Variants in PAM observed in about 807,000 individuals in gnomAD.
PAM encodes peptidyl-glycine alpha-amidating monooxygenase.
A neutral mutation model predicts 122.1 loss-of-function variants in PAM; 72 were observed. That is an observed-to-expected ratio of 0.59 (90% CI 0.49 to 0.72). PAM has a LOEUF of 0.72. Among genes scored for constraint, PAM ranks in the 30% least tolerant of loss-of-function variants. The probability of loss-of-function intolerance (pLI) is 0.00; values close to 1 mark genes in which losing one functional copy is unlikely to be tolerated. For synonymous variants in PAM, 389 were observed against 404.4 expected (o/e 0.96, Z 0.46); for missense variants, 1,106 against 1,183.7 (o/e 0.93, Z 0.96).
chr5:102,949,655 T>G (rs779416071), intron 10 of PAM, 38 bp downstream of exon 10: 6 of 987,742 alleles, frequency 6.1e-6, no homozygotes, highest in Non-Finnish European at 9.7e-6. Flanking sequence ...ATATTTACCA[T>G]TGTGCTTCCT....
intron 7 of PAM, among the ~76,000 whole-genome samples, chr5:102,932,516 A>G (rs1489308399): frequency 4.0e-5 from 6 of 149,846 alleles, no homozygotes; most frequent in East Asian, 1.9e-4. Context: ...GTATATATAT[A>G]TGTATATATT....
intron 12 of PAM, among the ~76,000 whole-genome samples, chr5:102,958,586 C>G (rs1348809381): frequency 6.6e-6 from 1 of 152,074 alleles, no homozygotes; most frequent in African/African-American, 2.4e-5. Flanking sequence ...TCACTATTTG[C>G]TTATATTTCA....
chr5:102,886,509 T>C (rs1341481837), intron 3 of PAM, among the ~76,000 whole-genome samples: 1 of 152,030 alleles, frequency 6.6e-6, no homozygotes, highest in Non-Finnish European at 1.5e-5. Flanking sequence ...CATTGTTCTT[T>C]ACATTCATTT....
chr5:102,779,918 T>TATATATATATATACATACACAC (rs147065045), intron 1 of PAM, among the ~76,000 whole-genome samples: 1 of 95,704 alleles, frequency 1.0e-5, no homozygotes, highest in South Asian at 3.7e-4. Flanking sequence ...TATATATATA[T>TATATATATATATACATACACAC]ACACACATAT....
chr5:102,882,636 T>C (rs768047728), intron 3 of PAM, among the ~76,000 whole-genome samples: 27 of 152,134 alleles, frequency 1.8e-4, no homozygotes, highest in Admixed American at 9.2e-4. Context: ...GTCAAATGTA[T>C]AGATTGTGAA....
intron 14 of PAM, among the ~76,000 whole-genome samples, chr5:102,968,061 G>A (rs1377638109): frequency 1.3e-5 from 2 of 152,198 alleles, no homozygotes; most frequent in Middle Eastern, 3.4e-3. Context: ...TGTGCAAATC[G>A]CTGTGGTATG....
chr5:102,866,515 T>G lies in PAM; in HGVS notation c.89+231T>G, dbSNP rs574181495. ...AATTAGAAGTTGTGATTTCCAAAAC[T>G]AATCACTCCCTCTGGGGGAGGTATT... On this transcript the variant is annotated intron_variant, in intron 2 of 25. Coordinates refer to ENST00000438793, the MANE Select transcript of PAM (RefSeq NM_001177306.2). 7.3e-6 allele frequency: 4 copies of G among 545,716 alleles called. No homozygotes were observed. The East Asian group carries it at 9.5e-5, about 13-fold the overall frequency. The allele number at this position is 545,716 out of a possible 1,614,324, so 33.8% of individuals were successfully genotyped here.
At chr5:102,926,695 C>A (rs369682633) in intron 7 of PAM, 27 bp downstream of exon 7, 5 of 1,131,138 alleles carry the variant, frequency 4.4e-6, no homozygotes, top group Non-Finnish European at 1.3e-6. Flanking sequence ...TGGAACTAAG[C>A]AAAACTTCTA....
At chr5:102,829,032 A>G (rs1774578232) in intron 1 of PAM, among the ~76,000 whole-genome samples, 1 of 151,194 alleles carries the variant, frequency 6.6e-6, no homozygotes, top group Non-Finnish European at 1.5e-5. Flanking sequence ...GACTGCAATC[A>G]TAGGGTTATT....
At chr5:102,916,298 C>T (rs1038154666) in intron 5 of PAM, among the ~76,000 whole-genome samples, 1 of 152,088 alleles carries the variant, frequency 6.6e-6, no homozygotes, top group African/African-American at 2.4e-5. Context: ...CTGCTTGACT[C>T]ACCTCAAGCA....
At position 102,950,787 on chromosome 5, in the gene PAM, C is replaced by G. The variant is rs765588739; in HGVS notation, c.872C>G (p.Thr291Ser). Residue 291 changes from threonine to serine, a missense_variant, in exon 12 of 26, where the codon ACT becomes AGT. This residue lies in a region of PAM where 670 missense variants were observed against 690.3 expected (regional missense o/e 0.97). Coordinates refer to ENST00000438793, the MANE Select transcript of PAM (RefSeq NM_001177306.2). ...CTACTGGCTGCAAGATGTGTATTCA[C>G]TGGTGAAGGAAGGACAGAAGCCACA... ...GDLLAARCVF[T>S]GEGRTEATHI... 1.9e-6 allele frequency: 3 copies of G among 1,610,164 alleles called. No homozygotes were observed. Among genetic ancestry groups the G allele is most frequent in the African/African-American group, 2.7e-5 (2 of 74,790 alleles).
intron 14 of PAM, among the ~76,000 whole-genome samples, chr5:102,972,232 C>A (rs1382282837): frequency 1.3e-5 from 2 of 152,112 alleles, no homozygotes; most frequent in Non-Finnish European, 2.9e-5. Context: ...AAGAGAGAGA[C>A]CCTGTCTCAA....
intron 3 of PAM, among the ~76,000 whole-genome samples, chr5:102,879,704 C>T (rs1561736225): frequency 6.6e-6 from 1 of 152,182 alleles, no homozygotes; most frequent in African/African-American, 2.4e-5. Context: ...AATTAAACCT[C>T]TTTTCTTTAT....
chr5:102,881,135 C>CACACACACACACACACAT (rs1561742149), intron 3 of PAM, among the ~76,000 whole-genome samples: 5 of 151,088 alleles, frequency 3.3e-5, no homozygotes, highest in African/African-American at 1.2e-4. Flanking sequence ...TACATACACA[C>CACACACACACACACACAT]ACACACACAC....
intron 3 of PAM, among the ~76,000 whole-genome samples, chr5:102,891,469 A>G (rs547302765): frequency 1.7e-4 from 26 of 152,008 alleles, no homozygotes; most frequent in African/African-American, 6.3e-4. Context: ...TGAATAGGTC[A>G]CAGAATCACT....
chr5:102,975,797 A>G (rs773205272), intron 15 of PAM, among the ~76,000 whole-genome samples: 7 of 152,142 alleles, frequency 4.6e-5, no homozygotes, highest in Admixed American at 4.6e-4. Context: ...TGGGAATACA[A>G]TTGTGTTCAT....
chr5:102,971,437 A>G (rs1273784657), intron 14 of PAM, among the ~76,000 whole-genome samples: 2 of 152,186 alleles, frequency 1.3e-5, no homozygotes, highest in Non-Finnish European at 2.9e-5. Context: ...TTTGATGTGT[A>G]TTTGAATTGA....
intron 3 of PAM, among the ~76,000 whole-genome samples, chr5:102,884,728 T>G (rs1286015420): frequency 6.6e-6 from 1 of 151,908 alleles, no homozygotes; most frequent in Non-Finnish European, 1.5e-5. Flanking sequence ...CAGAACATAC[T>G]TTTTCAAGGC....
chr5:103,008,307 T>C (rs552514646), intron 20 of PAM, among the ~76,000 whole-genome samples: 1 of 152,066 alleles, frequency 6.6e-6, no homozygotes, highest in Non-Finnish European at 1.5e-5. Flanking sequence ...TAAATTGTAA[T>C]TGACATAGTA....
Sources: gnomAD v4.1 joint callset for allele counts (sites outside exome capture counted in the v4.1 genomes callset) on GRCh38, gnomAD v4.1.1 for gene constraint, gnomAD v4.1.1 regional missense constraint, MANE v1.5 for transcripts, NCBI Gene and HGNC (gene_info 2026-07-23, HGNC 2026-07-21) for gene names.